Variants in PCNX2 observed in about 807,000 individuals in gnomAD.
PCNX2 encodes pecanex 2.
In PCNX2, 168 loss-of-function variants were observed where a neutral mutation model predicts 223.8. The ratio of observed to expected loss-of-function variants is 0.75; its 90% CI spans 0.66 to 0.85. PCNX2 has a LOEUF of 0.85. Ranked by LOEUF, PCNX2 falls within the 40% of genes least tolerant of loss-of-function variation. The pLI is 0.00. For synonymous variants in PCNX2, 1,006 were observed against 1,052.6 expected, an observed-to-expected ratio of 0.96 and a Z score of 0.86; for missense variants, 2,507 against 2,675.5, an observed-to-expected ratio of 0.94 and a Z score of 1.39.
the PCNX2 span, among the ~76,000 whole-genome samples, chr1:233,323,639 T>C: frequency 6.6e-6 from 1 of 152,240 alleles, no homozygotes; most frequent in Admixed American, 6.5e-5. Context: ...TTGTCATTGT[T>C]TTGGAGCACC....
At chr1:233,271,040 T>C (rs146289578) in intron 1 of PCNX2, among the ~76,000 whole-genome samples, 6 of 152,356 alleles carry the variant, frequency 3.9e-5, no homozygotes, top group Middle Eastern at 3.4e-3. Flanking sequence ...TTTGAACTCA[T>C]GTTGTCGTTT....
At chr1:233,278,287 G>A (rs1661016698) in intron 1 of PCNX2, among the ~76,000 whole-genome samples, 1 of 152,164 alleles carries the variant, frequency 6.6e-6, no homozygotes, top group South Asian at 2.1e-4. Context: ...CCTGCCTCAG[G>A]AGCCAACAGA....
chr1:233,147,978 G>A (rs1677564864), intron 19 of PCNX2, among the ~76,000 whole-genome samples: 1 of 152,174 alleles, frequency 6.6e-6, no homozygotes, highest in African/African-American at 2.4e-5. Context: ...ATAGGAACAG[G>A]AGAGTCACAA....
chr1:233,140,535 A>G (rs1558273398), intron 19 of PCNX2, among the ~76,000 whole-genome samples: 1 of 152,168 alleles, frequency 6.6e-6, no homozygotes. Context: ...TTCGAGCCTT[A>G]GTTTTTTGTG....
chr1:233,138,773 A>C (rs145942667), intron 20 of PCNX2, among the ~76,000 whole-genome samples: 13 of 152,350 alleles, frequency 8.5e-5, no homozygotes, highest in African/African-American at 2.6e-4. Flanking sequence ...ACTAGAAGGA[A>C]GGCAGAGTTC....
chr1:233,310,504 T>G, the PCNX2 span, among the ~76,000 whole-genome samples: 1 of 152,068 alleles, frequency 6.6e-6, no homozygotes, highest in Admixed American at 6.5e-5. Context: ...CAGAACATCT[T>G]TTGGGGAGTT....
intron 24 of PCNX2, among the ~76,000 whole-genome samples, chr1:233,055,896 G>A (rs1010667353): frequency 1.3e-5 from 2 of 152,132 alleles, no homozygotes; most frequent in Non-Finnish European, 2.9e-5. Flanking sequence ...ACAAGAAGGT[G>A]AAGATGCCCC....
chr1:233,249,909 C>CT (rs761959934), intron 8 of PCNX2, among the ~76,000 whole-genome samples: 1 of 152,218 alleles, frequency 6.6e-6, no homozygotes, highest in Non-Finnish European at 1.5e-5. Flanking sequence ...CACAGGACCC[C>CT]TCCCCCTGAA....
intron 27 of PCNX2, among the ~76,000 whole-genome samples, chr1:233,015,727 A>G (rs563620397): frequency 8.5e-5 from 13 of 152,060 alleles, no homozygotes; most frequent in Non-Finnish European, 1.6e-4. Flanking sequence ...ATAATAAATT[A>G]GCCAGGCATT....
At chr1:233,128,103 C>T (rs1265805955) in intron 21 of PCNX2, among the ~76,000 whole-genome samples, 3 of 152,144 alleles carry the variant, frequency 2.0e-5, no homozygotes, top group East Asian at 1.9e-4. Context: ...GGTTCTGGTG[C>T]GATCATTCAT....
intron 19 of PCNX2, among the ~76,000 whole-genome samples, chr1:233,146,899 T>C (rs1471127027): frequency 1.3e-5 from 2 of 152,198 alleles, no homozygotes; most frequent in Admixed American, 6.5e-5. Flanking sequence ...ATAATCCCAT[T>C]ACAGTCTACA....
chr1:233,097,654 G>A (rs1027242154), intron 21 of PCNX2, among the ~76,000 whole-genome samples: 3 of 152,066 alleles, frequency 2.0e-5, no homozygotes, highest in Non-Finnish European at 2.9e-5. Flanking sequence ...AGAACAACCC[G>A]TCACTCTGTC....
chr1:233,126,168 C>G lies in PCNX2; in HGVS notation c.3837+8845G>C, dbSNP rs1463426847. 2.6e-5 allele frequency: 4 copies of G among 152,016 alleles called. No individual in the cohort carries two copies. Among genetic ancestry groups the G allele is most frequent in the Non-Finnish European group, 4.4e-5 (3 of 68,038 alleles). The allele number at this position is 152,016 out of a possible 1,614,324, so 9.4% of individuals were successfully genotyped here. ...GAGGTTGCAGTGAGCTGAGATCACG[C>G]CACTGCACTCCAGCCTGGGTGACAG... On this transcript the variant is annotated intron_variant, in intron 21 of 33. Transcript: ENST00000258229. The surrounding 1 kb of genome is among the most constrained non-coding windows in gnomAD (Gnocchi z 4.8).
At chr1:233,235,441 G>A (rs1658326522) in intron 9 of PCNX2, among the ~76,000 whole-genome samples, 1 of 152,074 alleles carries the variant, frequency 6.6e-6, no homozygotes. Context: ...GTAAGCCACT[G>A]TATCTGGCAA....
At chr1:233,136,059 T>C (rs957566899) in intron 20 of PCNX2, among the ~76,000 whole-genome samples, 3 of 152,172 alleles carry the variant, frequency 2.0e-5, no homozygotes, top group Non-Finnish European at 2.9e-5. Flanking sequence ...CATCTTGAGA[T>C]TGGAGGGCAA....
intron 25 of PCNX2, among the ~76,000 whole-genome samples, chr1:233,045,931 C>T (rs1382725836): frequency 6.6e-6 from 1 of 152,242 alleles, no homozygotes; most frequent in Non-Finnish European, 1.5e-5. Flanking sequence ...GCCTGCTTTG[C>T]TAGCCTTCTC....
intron 22 of PCNX2, among the ~76,000 whole-genome samples, chr1:233,091,271 T>G (rs2102940686): frequency 6.6e-6 from 1 of 152,168 alleles, no homozygotes; most frequent in South Asian, 2.1e-4. Context: ...GACAGCTGTA[T>G]CTCTCTCACT....
chr1:233,205,523 G>C (rs1422955846), intron 13 of PCNX2, among the ~76,000 whole-genome samples: 1 of 151,954 alleles, frequency 6.6e-6, no homozygotes, highest in Non-Finnish European at 1.5e-5. Flanking sequence ...GTGAAACCCC[G>C]TATCTACTAA....
At chr1:233,072,084 T>G (rs28823737) in intron 23 of PCNX2, among the ~76,000 whole-genome samples, 2 of 152,364 alleles carry the variant, frequency 1.3e-5, no homozygotes, top group Admixed American at 6.5e-5. Context: ...TTTCTTCCAT[T>G]CTGTAGGTTG....
Sources: gnomAD v4.1 joint callset for allele counts (sites outside exome capture counted in the v4.1 genomes callset) on GRCh38, gnomAD v4.1.1 for gene constraint, Gnocchi (gnomAD v3.1) non-coding constraint, MANE v1.5 for transcripts, NCBI Gene and HGNC (gene_info 2026-07-23, HGNC 2026-07-21) for gene names.